The following PARD3B variants were observed in gnomAD, a reference collection of about 807,000 sequenced individuals.
PARD3B encodes the protein partitioning defective 3 homolog B.
PARD3B carries 103 observed loss-of-function variants against 130.2 expected under a neutral mutation model. That is an observed-to-expected ratio of 0.79 (90% confidence interval 0.67 to 0.93). The LOEUF is 0.93. Ranked by LOEUF, PARD3B falls within the 40% of genes least tolerant of loss-of-function variation. The pLI is 0.00. For missense variants in PARD3B, 1,609 were observed against 1,499.2 expected (o/e 1.07, Z -1.21); for synonymous variants, 583 against 553.2 (o/e 1.05, Z -0.76).
chr2:205,088,169 C>T (rs918894236), intron 4 of PARD3B, among the ~76,000 whole-genome samples: 4 of 152,298 alleles, frequency 2.6e-5, no homozygotes, highest in Middle Eastern at 3.4e-3. Context: ...CTTTCCAGTA[C>T]TGAGAAGTCA....
At chr2:205,234,418 G>A (rs534631238) in intron 15 of PARD3B, among the ~76,000 whole-genome samples, 42 of 152,294 alleles carry the variant, frequency 2.8e-4, no homozygotes, top group African/African-American at 9.4e-4. Context: ...ATCAGAGAAA[G>A]TAGATTTCAG....
intron 1 of PARD3B, among the ~76,000 whole-genome samples, chr2:204,589,510 A>C (rs2125091865): frequency 6.6e-6 from 1 of 152,312 alleles, no homozygotes; most frequent in African/African-American, 2.4e-5. Context: ...CTTGCTTAGA[A>C]TGCCTAGCAA....
At chr2:205,445,679 A>T (rs2047882980) in intron 20 of PARD3B, among the ~76,000 whole-genome samples, 1 of 152,188 alleles carries the variant, frequency 6.6e-6, no homozygotes, top group Admixed American at 6.5e-5. Flanking sequence ...TTAGGCAGGG[A>T]CACAGATCCA....
At chr2:205,609,376 G>A (rs778553692) in intron 22 of PARD3B, among the ~76,000 whole-genome samples, 1 of 152,166 alleles carries the variant, frequency 6.6e-6, no homozygotes, top group Non-Finnish European at 1.5e-5. Context: ...TAATCTATGT[G>A]TGGCATGCTC....
intron 1 of PARD3B, among the ~76,000 whole-genome samples, chr2:204,632,184 ACTCT>A (rs950231563): frequency 3.3e-5 from 5 of 151,326 alleles, no homozygotes; most frequent in East Asian, 3.9e-4. Flanking sequence ...CTCCCTGTTC[ACTCT>A]CTCTTGCTCC....
In PARD3B at chr2:205,463,493, T is replaced by C. The variant is rs1463327167; in HGVS notation, c.3044+22821T>C. On this transcript the variant is annotated intron_variant, in intron 20 of 22. Coordinates refer to ENST00000406610, the MANE Select transcript of PARD3B (RefSeq NM_001302769.2). This position sits in a 1 kb window ranked among gnomAD's most constrained non-coding sequence, Gnocchi z 4.8. ...TTAATTTTAAATGCTAATATGCATA[T>C]GGTTAATTAAGAAGCCAAAATTGGC... Among the ~76,000 whole-genome samples the C allele has an allele frequency of 6.7e-6, 1 of 148,904 alleles. No homozygotes were observed. Among genetic ancestry groups the C allele is most frequent in the Non-Finnish European group, 1.5e-5 (1 of 66,942 alleles).
chr2:205,277,373 C>T (rs1171336133), intron 16 of PARD3B, among the ~76,000 whole-genome samples: 4 of 152,098 alleles, frequency 2.6e-5, no homozygotes, highest in African/African-American at 9.7e-5. Flanking sequence ...CACTCACATC[C>T]AAGAGTTGTG....
chr2:205,254,733 G>C (rs1397923507), intron 16 of PARD3B, among the ~76,000 whole-genome samples: 6 of 149,988 alleles, frequency 4.0e-5, no homozygotes, highest in Admixed American at 2.7e-4. Flanking sequence ...GCGCGATCTC[G>C]GCTCACTGCA....
At position 205,355,996 on chromosome 2, in the gene PARD3B, G is replaced by A. The variant is rs562957572; in HGVS notation, c.2631-45017G>A. 2.0e-5 allele frequency among the ~76,000 whole-genome samples: 3 copies of A among 152,212 alleles called. No individual in the cohort carries two copies. The South Asian group carries it at 6.2e-4, about 32-fold the overall frequency. On this transcript the variant is annotated intron_variant, in intron 18 of 22. Transcript: ENST00000406610. ...CTCTCCCTTGATTCATGGGGATTAC[G>A]GGGACTATAATTCCAGATGAGATTT...
intron 2 of PARD3B, among the ~76,000 whole-genome samples, chr2:204,786,319 T>C (rs912965529): frequency 3.9e-5 from 6 of 152,240 alleles, no homozygotes; most frequent in East Asian, 1.9e-4. Context: ...CTTAATTTCC[T>C]ACTCCTGGAG....
At chr2:205,168,785 A>G (rs539463967) in intron 11 of PARD3B, among the ~76,000 whole-genome samples, 9 of 151,194 alleles carry the variant, frequency 6.0e-5, no homozygotes, top group Non-Finnish European at 1.2e-4. Context: ...ATCTGGTAGC[A>G]TATTGTCCTC....
intron 2 of PARD3B, among the ~76,000 whole-genome samples, chr2:204,952,996 CAA>C (rs5837946): frequency 4.8e-5 from 5 of 103,534 alleles, no homozygotes; most frequent in Non-Finnish European, 6.2e-5. Flanking sequence ...GACTCAGTCT[CAA>C]AAAAAAAAAA....
At chr2:205,137,992 C>G (rs1367936958) in intron 10 of PARD3B, among the ~76,000 whole-genome samples, 1 of 152,140 alleles carries the variant, frequency 6.6e-6, no homozygotes, top group Non-Finnish European at 1.5e-5. Context: ...GGAAAGAGCA[C>G]CAAATCACAT....
At chr2:204,721,761 T>A (rs1002354256) in intron 2 of PARD3B, among the ~76,000 whole-genome samples, 9 of 152,158 alleles carry the variant, frequency 5.9e-5, no homozygotes, top group African/African-American at 1.7e-4. Flanking sequence ...TTCCTTTGTA[T>A]TCCTAAGTTA....
intron 10 of PARD3B, among the ~76,000 whole-genome samples, chr2:205,156,298 A>C (rs1360982450): frequency 6.6e-5 from 10 of 150,794 alleles, no homozygotes; most frequent in Admixed American, 1.3e-4. Flanking sequence ...GCATTAGGAG[A>C]TATACCTAAT....
chr2:205,156,273 G>T (rs1177238040), intron 10 of PARD3B, among the ~76,000 whole-genome samples: 1 of 15,598 alleles, frequency 6.4e-5, no homozygotes, highest in Non-Finnish European at 1.8e-4. Context: ...GGGGTGGGCG[G>T]GGGGGGGAGG....
rs60322420 is a variant in PARD3B at position 205,135,572 on chromosome 2, CTTT to C, written c.1434+9848_1434+9850del. Among the ~76,000 whole-genome samples the C allele has an allele frequency of 1.5e-3, 216 of 147,052 alleles. 1 individual carries two copies. The highest frequency in any genetic ancestry group is 4.5e-3 in the Admixed American group (67 of 14,792). ...TTAAAGAATATCAGCTTAAGATCAC[CTTT>C]TTTTTTTTTTTTCCCTAAGGGCTGG... On this transcript the variant is annotated intron_variant, in intron 10 of 22. Transcript: ENST00000406610.
intron 2 of PARD3B, among the ~76,000 whole-genome samples, chr2:204,861,904 A>G (rs1199502797): frequency 7.2e-6 from 1 of 139,334 alleles, no homozygotes; most frequent in Non-Finnish European, 1.5e-5. Context: ...CAGTTAAGAC[A>G]TTTAAAAGAA....
intron 3 of PARD3B, among the ~76,000 whole-genome samples, chr2:204,977,795 G>A (rs1198417179): frequency 4.8e-5 from 6 of 125,690 alleles, no homozygotes; most frequent in Non-Finnish European, 6.3e-5. Context: ...CTGGGTGACA[G>A]AGCGAGACTC....
Sources: allele counts gnomAD v4.1 joint callset (sites outside exome capture counted in the v4.1 genomes callset), GRCh38; gene constraint gnomAD v4.1.1; non-coding constraint Gnocchi (gnomAD v3.1); transcripts MANE v1.5; gene names NCBI Gene and HGNC (gene_info 2026-07-23, HGNC 2026-07-21).